Variants in KLHL18 observed in about 807,000 individuals in gnomAD.
KLHL18 encodes the protein kelch-like protein 18.
A neutral mutation model predicts 58.5 loss-of-function variants in KLHL18; 38 were observed. The ratio of observed to expected loss-of-function variants is 0.65; its 90% CI spans 0.50 to 0.85. KLHL18 has a LOEUF of 0.85. Among genes scored for constraint, KLHL18 ranks in the 40% least tolerant of loss-of-function variants. The pLI is 0.00. For missense variants in KLHL18, 624 were observed against 778.4 expected, an observed-to-expected ratio of 0.80 and a Z score of 2.36; for synonymous variants, 303 against 301.9, an observed-to-expected ratio of 1.00 and a Z score of -0.04.
At chr3:47,286,165 C>G (rs558107929) in intron 1 of KLHL18, among the ~76,000 whole-genome samples, 2 of 152,140 alleles carry the variant, frequency 1.3e-5, no homozygotes, top group African/African-American at 2.4e-5. Flanking sequence ...TAATAAAAAG[C>G]CTTCAGTGGG....
At chr3:47,330,308 A>G (rs1703826354) in intron 4 of KLHL18, among the ~76,000 whole-genome samples, 159 bp downstream of exon 4, 1 of 152,088 alleles carries the variant, frequency 6.6e-6, no homozygotes, top group South Asian at 2.1e-4. Flanking sequence ...ATTTTTCATG[A>G]AAACTTTCTA....
chr3:47,333,359 A>G, intron 5 of KLHL18, 42 bp downstream of exon 5: 1 of 1,584,722 alleles, frequency 6.3e-7, no homozygotes, highest in Non-Finnish European at 8.6e-7. Context: ...CCAAAGGTCT[A>G]AGCAGGGAAG....
intron 3 of KLHL18, among the ~76,000 whole-genome samples, chr3:47,325,541 A>C (rs1045359225): frequency 8.5e-5 from 13 of 152,132 alleles, no homozygotes; most frequent in African/African-American, 2.9e-4. Context: ...GACTTGAGGA[A>C]AACCATTCTG....
At chr3:47,305,113 T>C (rs566609960) in intron 1 of KLHL18, among the ~76,000 whole-genome samples, 1 of 152,250 alleles carries the variant, frequency 6.6e-6, no homozygotes, top group African/African-American at 2.4e-5. Context: ...ATTCCTTTTA[T>C]TTCATTTTGT....
At chr3:47,304,363 A>G (rs1461328057) in intron 1 of KLHL18, among the ~76,000 whole-genome samples, 1 of 152,002 alleles carries the variant, frequency 6.6e-6, no homozygotes, top group Non-Finnish European at 1.5e-5. Context: ...TTAGCTGGGT[A>G]TGGTGGTGCG....
intron 1 of KLHL18, among the ~76,000 whole-genome samples, chr3:47,308,903 C>T (rs899775019): frequency 2.6e-5 from 4 of 152,006 alleles, no homozygotes; most frequent in Admixed American, 6.6e-5. Context: ...TTTTTCTAGG[C>T]AGAGGACCCT....
chr3:47,335,084 C>T (rs1311281786), intron 6 of KLHL18, among the ~76,000 whole-genome samples: 3 of 152,236 alleles, frequency 2.0e-5, no homozygotes, highest in Non-Finnish European at 2.9e-5. Flanking sequence ...CCCCACAGAA[C>T]TTTCACTATG....
chr3:47,301,915 C>T (rs1277510050), intron 1 of KLHL18, among the ~76,000 whole-genome samples: 1 of 152,156 alleles, frequency 6.6e-6, no homozygotes, highest in Non-Finnish European at 1.5e-5. Context: ...CTCACCTCAG[C>T]CTCCCGAGCA....
At chr3:47,324,906 A>G (rs1703679138) in intron 3 of KLHL18, among the ~76,000 whole-genome samples, 1 of 152,206 alleles carries the variant, frequency 6.6e-6, no homozygotes, top group South Asian at 2.1e-4. Context: ...CATTTTAGGA[A>G]TAAGTACTTA....
intron 3 of KLHL18, among the ~76,000 whole-genome samples, chr3:47,324,294 C>CCTTCTTTTTTTTTTTT (rs1703657860): frequency 9.4e-5 from 1 of 10,606 alleles, no homozygotes; most frequent in Non-Finnish European, 2.8e-4. Context: ...CTTTTTCTTT[C>CCTTCTTTTTTTTTTTT]TTTCTTTTTT....
chr3:47,292,186 T>C (rs757974191), intron 1 of KLHL18, among the ~76,000 whole-genome samples: 60 of 152,202 alleles, frequency 3.9e-4, no homozygotes, highest in African/African-American at 1.4e-3. Context: ...TCTGAATAGC[T>C]GATCAGAACA....
chr3:47,284,914 C>T (rs1171145588), intron 1 of KLHL18, among the ~76,000 whole-genome samples: 3 of 151,850 alleles, frequency 2.0e-5, no homozygotes, highest in African/African-American at 7.3e-5. Context: ...CACCTCCTGG[C>T]TTCAAGCCAG....
intron 1 of KLHL18, among the ~76,000 whole-genome samples, chr3:47,309,485 C>G (rs1235382732): frequency 6.6e-6 from 1 of 151,848 alleles, no homozygotes; most frequent in Admixed American, 6.6e-5. Flanking sequence ...CTCCCCACAG[C>G]TCAGACGAGA....
chr3:47,316,559 A>G (rs1164207291), intron 1 of KLHL18, among the ~76,000 whole-genome samples: 1 of 96,342 alleles, frequency 1.0e-5, no homozygotes, highest in African/African-American at 4.7e-5. Context: ...ATATATACAT[A>G]TATATGTATA....
rs749540210 is a variant in KLHL18, at chr3:47,343,626, C to T, written c.1410C>T (p.His470=). The change falls in exon 10 of 10, where the codon CAC becomes CAT. Residue 470 remains histidine, a synonymous_variant. Transcript: ENST00000232766. ...AAGMLNKRCR[H]GAASLGSKMF... ...GCATGCTCAACAAGCGCTGCCGGCA[C>T]GGAGCCGCCTCCCTGGGGAGCAAGA... is the stretch of plus-strand genomic sequence containing the variant. 1.4e-5 allele frequency: 22 copies of T among 1,614,042 alleles called. No homozygotes were observed. Among genetic ancestry groups the T allele is most frequent in the East Asian group, 4.5e-5 (2 of 44,892 alleles).
At position 47,302,410 on chromosome 3, in the gene KLHL18, A is replaced by G. The variant is rs189481897; in HGVS notation, c.130-17243A>G. On this transcript the variant is annotated intron_variant, in intron 1 of 9. Transcript: ENST00000232766. ...TGAGGTGGGAGAATTGCTTAAACCC[A>G]GGAGGCGGAGGTTGCAGTGAGCCAA... 1.5e-4 allele frequency among the ~76,000 whole-genome samples: 23 copies of G among 152,310 alleles called. No homozygotes were observed. The East Asian group carries it at 4.2e-3, about 28-fold the overall frequency.
At chr3:47,298,353 T>TTA (rs1553629791) in intron 1 of KLHL18, among the ~76,000 whole-genome samples, 2,404 of 118,518 alleles carry the variant, frequency 0.02, 73 homozygotes, top group East Asian at 0.056. Flanking sequence ...ATCCTGTCTC[T>TTA]AAAAAAAAAA....
intron 4 of KLHL18, 78 bp downstream of exon 4, chr3:47,330,227 T>C: frequency 7.5e-7 from 1 of 1,332,708 alleles, no homozygotes; most frequent in South Asian, 1.2e-5. Flanking sequence ...TTATGTATTT[T>C]TTTACAAAGT....
At chr3:47,312,023 C>G (rs1463861398) in intron 1 of KLHL18, among the ~76,000 whole-genome samples, 1 of 152,234 alleles carries the variant, frequency 6.6e-6, no homozygotes, top group African/African-American at 2.4e-5. Context: ...TAGTCTTTCT[C>G]ATTTGAATTG....
Sources: gnomAD v4.1 joint callset for allele counts (sites outside exome capture counted in the v4.1 genomes callset) on GRCh38, gnomAD v4.1.1 for gene constraint, MANE v1.5 for transcripts, NCBI Gene and HGNC (gene_info 2026-07-23, HGNC 2026-07-21) for gene names.